JPH1: variants seen among roughly 807,000 people sequenced by gnomAD.
The protein encoded by JPH1 is junctophilin 1, also known as junctophilin-1.
In JPH1, 12 loss-of-function variants were observed where a neutral mutation model predicts 53.6. The ratio of observed to expected loss-of-function variants is 0.22; its 90% confidence interval spans 0.14 to 0.36. JPH1 has a LOEUF of 0.36. Ranked by LOEUF, JPH1 falls within the 10% of genes least tolerant of loss-of-function variation. JPH1 has a pLI of 1.00. For synonymous variants in JPH1, 375 were observed against 363.8 expected, an observed-to-expected ratio of 1.03 and a Z score of -0.35; for missense variants, 808 against 905.5, an observed-to-expected ratio of 0.89 and a Z score of 1.38.
At chr8:74,262,626 T>A (rs950164150) in intron 2 of JPH1, among the ~76,000 whole-genome samples, 1 of 152,224 alleles carries the variant, frequency 6.6e-6, no homozygotes, top group African/African-American at 2.4e-5. Flanking sequence ...TCAAATGCAG[T>A]AAAAAGTAAC....
chr8:74,244,379 T>A (rs1805785808), intron 4 of JPH1, 150 bp downstream of exon 4: 3 of 774,828 alleles, frequency 3.9e-6, no homozygotes, highest in Non-Finnish European at 6.1e-6. Context: ...TGTCTCAAGC[T>A]ACCAATGTGT....
chr8:74,300,403 C>A (rs1176608637), intron 2 of JPH1, among the ~76,000 whole-genome samples: 2 of 152,082 alleles, frequency 1.3e-5, no homozygotes, highest in African/African-American at 4.8e-5. Flanking sequence ...CTTGTGTGTG[C>A]GTTGTGGGGG....
chr8:74,238,344 C>T (rs1805596284), intron 4 of JPH1, among the ~76,000 whole-genome samples: 1 of 152,186 alleles, frequency 6.6e-6, no homozygotes, highest in East Asian at 1.9e-4. Context: ...AAACACTAAT[C>T]AATTCGGGTC....
At chr8:74,279,461 T>C (rs1806945816) in intron 2 of JPH1, among the ~76,000 whole-genome samples, 1 of 152,154 alleles carries the variant, frequency 6.6e-6, no homozygotes, top group East Asian at 1.9e-4. Context: ...TCCCTCTGTG[T>C]TCCTGACACT....
At chr8:74,239,634 G>T (rs1328332333) in intron 4 of JPH1, among the ~76,000 whole-genome samples, 1 of 152,136 alleles carries the variant, frequency 6.6e-6, no homozygotes, top group African/African-American at 2.4e-5. Context: ...TGAGCACAGA[G>T]ATTAAGGAAA....
At chr8:74,259,102 T>C (rs955703003) in intron 3 of JPH1, among the ~76,000 whole-genome samples, 3 of 152,248 alleles carry the variant, frequency 2.0e-5, no homozygotes, top group African/African-American at 7.2e-5. Flanking sequence ...AAGGTATCTA[T>C]GAAACATAAA....
chr8:74,269,412 A>C (rs28412442), intron 2 of JPH1, among the ~76,000 whole-genome samples: 10,645 of 152,290 alleles, frequency 0.07, 952 homozygotes, highest in African/African-American at 0.2. Context: ...CCTTGTAGGA[A>C]CTGCTGCTCT....
chr8:74,309,327 TTTC>T (rs1337232366), intron 2 of JPH1, among the ~76,000 whole-genome samples: 1 of 152,218 alleles, frequency 6.6e-6, no homozygotes. Context: ...CTTTATAGTA[TTTC>T]TTCTTATCTG....
intron 4 of JPH1, 48 bp from the exon 5 acceptor site, chr8:74,237,351 T>C: frequency 7.1e-7 from 1 of 1,418,072 alleles, no homozygotes; most frequent in South Asian, 1.2e-5. Context: ...CATGTTAATA[T>C]CAAGATATTA....
intron 3 of JPH1, among the ~76,000 whole-genome samples, chr8:74,256,434 C>T (rs533945654): frequency 5.1e-4 from 77 of 151,742 alleles, no homozygotes; most frequent in African/African-American, 1.7e-3. Flanking sequence ...GGAGATATAC[C>T]TAATGCTAAA....
At position 74,315,276 on chromosome 8, in the gene JPH1, C is replaced by T; in HGVS notation, c.724G>A (p.Asp242Asn). Residue 242 changes from aspartate to asparagine, a missense_variant, in exon 2 of 6, where the codon GAC becomes AAC. By Grantham distance (23) the Asp-to-Asn change is conservative (BLOSUM62 1). Coordinates refer to ENST00000342232, the MANE Select transcript of JPH1 (RefSeq NM_020647.4). The surrounding 1 kb of genome is among the most constrained non-coding windows in gnomAD (Gnocchi z 6.3). Reference sequence around the variant, plus strand: ...GAACTAATTCTGCTCATGGCCGCGTCGCTGCGGACAGAGCTGCGCTTGCTC... The same window carrying T: ...GAACTAATTCTGCTCATGGCCGCGTTGCTGCGGACAGAGCTGCGCTTGCTC... ...ISSKRSSVRS[D>N]AAMSRISSSD... The T allele has an allele frequency of 1.2e-6, 2 of 1,614,146 alleles. No homozygotes were observed. The highest frequency in any genetic ancestry group is 1.3e-5 in the African/African-American group (1 of 75,066).
intron 3 of JPH1, among the ~76,000 whole-genome samples, chr8:74,248,646 G>C (rs996145303): frequency 2.0e-5 from 3 of 152,160 alleles, no homozygotes; most frequent in African/African-American, 7.2e-5. Context: ...ACAAGTCCTA[G>C]CCAACTAAAT....
chr8:74,254,297 T>G (rs1806153962), intron 3 of JPH1, among the ~76,000 whole-genome samples: 1 of 152,090 alleles, frequency 6.6e-6, no homozygotes, highest in South Asian at 2.1e-4. Context: ...AAAAACCACA[T>G]GATTATCTCA....
chr8:74,286,794 T>C (rs940369944), intron 2 of JPH1, among the ~76,000 whole-genome samples: 1 of 152,204 alleles, frequency 6.6e-6, no homozygotes, highest in African/African-American at 2.4e-5. Context: ...CTTTCTTACA[T>C]TGATGGTTAG....
chr8:74,242,790 G>C (rs1805734656), intron 4 of JPH1, among the ~76,000 whole-genome samples: 1 of 152,128 alleles, frequency 6.6e-6, no homozygotes, highest in Non-Finnish European at 1.5e-5. Flanking sequence ...GGGTGTAGAG[G>C]GGTACCCTAA....
At chr8:74,238,634 C>T (rs1805610504) in intron 4 of JPH1, among the ~76,000 whole-genome samples, 1 of 152,128 alleles carries the variant, frequency 6.6e-6, no homozygotes, top group African/African-American at 2.4e-5. Flanking sequence ...TACTATCTTC[C>T]AGCACATTTC....
chr8:74,298,333 A>G (rs1458436217), intron 2 of JPH1, among the ~76,000 whole-genome samples: 1 of 152,212 alleles, frequency 6.6e-6, no homozygotes, highest in Non-Finnish European at 1.5e-5. Context: ...TGTTGTATAC[A>G]AGATGGGTTT....
chr8:74,264,658 G>T (rs1346769887), intron 2 of JPH1, among the ~76,000 whole-genome samples: 1 of 152,134 alleles, frequency 6.6e-6, no homozygotes. Context: ...CCACAGAGTA[G>T]GTGAGGCCAC....
At chr8:74,245,672 C>T (rs571764111) in intron 3 of JPH1, among the ~76,000 whole-genome samples, 2 of 152,204 alleles carry the variant, frequency 1.3e-5, no homozygotes, top group South Asian at 4.1e-4. Flanking sequence ...TTAGGTTGCA[C>T]GACACAAAGT....
Sources: allele counts gnomAD v4.1 joint callset (sites outside exome capture counted in the v4.1 genomes callset), GRCh38; gene constraint gnomAD v4.1.1; non-coding constraint Gnocchi (gnomAD v3.1); transcripts MANE v1.5; gene names NCBI Gene and HGNC (gene_info 2026-07-23, HGNC 2026-07-21).